CABIN1: variants seen among roughly 807,000 people sequenced by gnomAD.
CABIN1 encodes the protein calcineurin-binding protein cabin-1.
Under a neutral mutation model 227.7 loss-of-function variants are expected in CABIN1, and 133 were observed. The observed-to-expected ratio is 0.58, with a 90% CI of 0.51 to 0.67. The LOEUF is 0.67. Ranked by LOEUF, CABIN1 falls within the 30% of genes least tolerant of loss-of-function variation. The pLI, the probability that CABIN1 is intolerant of heterozygous loss-of-function variation, is 0.00. For missense variants in CABIN1, 2,408 were observed against 2,852.5 expected (o/e 0.84, Z 3.55); for synonymous variants, 1,086 against 1,155.1 (o/e 0.94, Z 1.21).
At chr22:24,103,996 A>C (rs1284716020) in intron 26 of CABIN1, among the ~76,000 whole-genome samples, 1 of 152,126 alleles carries the variant, frequency 6.6e-6, no homozygotes, top group African/African-American at 2.4e-5. Flanking sequence ...CTGCAGGCCC[A>C]TTTAGACATG....
intron 5 of CABIN1, 137 bp from the exon 6 acceptor site, chr22:24,042,767 C>A: frequency 1.3e-6 from 1 of 772,374 alleles, no homozygotes; most frequent in East Asian, 2.7e-5. Flanking sequence ...GTGGCTGTGC[C>A]AGTGCCGTGC....
intron 15 of CABIN1, among the ~76,000 whole-genome samples, chr22:24,065,358 A>G (rs1282430153): frequency 7.2e-6 from 1 of 138,556 alleles, no homozygotes; most frequent in Non-Finnish European, 1.5e-5. Flanking sequence ...CGCTCCTCAC[A>G]TCTCAGATAA....
chr22:24,068,738 G>A (rs2039873873), intron 16 of CABIN1, among the ~76,000 whole-genome samples: 2 of 152,158 alleles, frequency 1.3e-5, no homozygotes, highest in Admixed American at 1.3e-4. Flanking sequence ...TTAAATTGCA[G>A]AGAGGTTCTG....
intron 29 of CABIN1, among the ~76,000 whole-genome samples, chr22:24,160,707 G>A (rs569064981): frequency 6.6e-6 from 1 of 152,380 alleles, no homozygotes. Flanking sequence ...ATGGGCCTGG[G>A]CATGGCCTTG....
intron 29 of CABIN1, among the ~76,000 whole-genome samples, chr22:24,136,839 A>G (rs1055432132): frequency 6.6e-6 from 1 of 151,588 alleles, no homozygotes; most frequent in African/African-American, 2.4e-5. Context: ...CTTCTATGCA[A>G]ATTTCTTGTC....
Position 24,177,495 on chromosome 22 carries a change from G to A in CABIN1, c.6206-9G>A. The A allele has an allele frequency of 6.6e-7, 1 of 1,522,278 alleles. No homozygotes were observed. The highest frequency in any genetic ancestry group is 8.8e-7 in the Non-Finnish European group (1 of 1,135,490). 94.3% of individuals were successfully genotyped at this position (1,522,278 alleles called of 1,614,324 possible). A position where few individuals can be genotyped will look rare whatever the true frequency, so the allele number is the denominator to read the frequency against. On this transcript the variant is annotated splice_polypyrimidine_tract_variant and intron_variant, in intron 35 of 36. Coordinates refer to ENST00000263119, the MANE Select transcript of CABIN1 (RefSeq NM_012295.4). The surrounding 1 kb of genome is among the most constrained non-coding windows in gnomAD (Gnocchi z 4.4). Reference sequence around the variant, plus strand: ...GGCAGGAAGTGCTCTTGGTACCTTTGTCTTCCAGAGGGGAAACTGAGGCCT... The same window carrying A: ...GGCAGGAAGTGCTCTTGGTACCTTTATCTTCCAGAGGGGAAACTGAGGCCT...
rs1416781642 is a variant in CABIN1 at position 24,084,684 on chromosome 22, G to A, written c.3016G>A (p.Ala1006Thr). ...GACCAGCACCGTGTCTGCTGACTTG[G>A]CCAACCTACTGAAGAGAATTGCCAC... ...YKTSTVSADL[A>T]NLLKRIATIV... The change falls in exon 21 of 37, where the codon GCC (alanine) becomes ACC (threonine). Residue 1006 changes from alanine to threonine, a missense_variant. By Grantham distance (58) the Ala-to-Thr change is moderately conservative. Around this residue, in one of 3 missense-constraint regions of CABIN1, gnomAD observed 649 missense variants for 910.3 expected, o/e 0.71. Coordinates refer to ENST00000263119, the MANE Select transcript of CABIN1 (RefSeq NM_012295.4). 1 of 1,614,006 alleles carries A rather than the reference G, an allele frequency of 6.2e-7. No individual in the cohort carries two copies. The highest frequency in any genetic ancestry group is 1.7e-5 in the Admixed American group (1 of 59,990).
At chr22:24,147,178 A>C (rs758246050) in intron 29 of CABIN1, among the ~76,000 whole-genome samples, 22 of 151,864 alleles carry the variant, frequency 1.4e-4, no homozygotes, top group Non-Finnish European at 2.8e-4. Flanking sequence ...TTCATTTCCC[A>C]CCACAAGTTA....
At chr22:24,022,572 A>G (rs1248654107) in intron 1 of CABIN1, among the ~76,000 whole-genome samples, 2 of 152,188 alleles carry the variant, frequency 1.3e-5, no homozygotes, top group Non-Finnish European at 1.5e-5. Flanking sequence ...ACATTTTTAT[A>G]CAAGTTTTGT....
intron 28 of CABIN1, among the ~76,000 whole-genome samples, 177 bp downstream of exon 28, chr22:24,119,875 G>C (rs568864851): frequency 3.3e-5 from 5 of 152,366 alleles, no homozygotes; most frequent in African/African-American, 1.2e-4. Context: ...GCTTGCCAGG[G>C]AACCTGGTGG....
chr22:24,055,506 TC>T (rs1183111929), intron 9 of CABIN1, among the ~76,000 whole-genome samples: 4 of 152,202 alleles, frequency 2.6e-5, no homozygotes, highest in Non-Finnish European at 4.4e-5. Context: ...CTGGCAGAGG[TC>T]CCCTCTTCTG....
At chr22:24,087,139 T>C (rs1267115538) in intron 22 of CABIN1, among the ~76,000 whole-genome samples, 2 of 152,222 alleles carry the variant, frequency 1.3e-5, no homozygotes, top group Non-Finnish European at 2.9e-5. Context: ...GTCCAAGAGC[T>C]CATCCATTAG....
chr22:24,091,644 G>C lies in CABIN1; in HGVS notation c.3587G>C (p.Arg1196Pro). ...TAKHCFTSAA[R>P]CEGDGDEEEW... Reference sequence around the variant, plus strand: ...AAGCACTGTTTCACATCAGCAGCCCGCTGCGAGGGTGATGGTGACGAGGAG... The same window carrying C: ...AAGCACTGTTTCACATCAGCAGCCCCCTGCGAGGGTGATGGTGACGAGGAG... Residue 1196 changes from arginine (R) to proline (P), a missense_variant, in exon 24 of 37, where the codon CGC becomes CCC. Coordinates refer to ENST00000263119, the MANE Select transcript of CABIN1 (RefSeq NM_012295.4). 6.2e-7 allele frequency: 1 copy of C among 1,614,242 alleles called. No homozygotes were observed. Among genetic ancestry groups the C allele is most frequent in the Non-Finnish European group, 8.5e-7 (1 of 1,180,040 alleles).
At chr22:24,041,375 TG>T in intron 5 of CABIN1, 102 bp downstream of exon 5, 1 of 1,444,534 alleles carries the variant, frequency 6.9e-7, no homozygotes, top group Non-Finnish European at 9.7e-7. Context: ...TTTGTAGTGG[TG>T]GATCACCAAG....
At chr22:24,164,319 T>C (rs1569305759) in intron 29 of CABIN1, 81 bp from the exon 30 acceptor site, 1 of 1,566,360 alleles carries the variant, frequency 6.4e-7, no homozygotes, top group Non-Finnish European at 8.7e-7. Flanking sequence ...TGTGGCAGTT[T>C]CCAGGGGATA....
intron 5 of CABIN1, among the ~76,000 whole-genome samples, chr22:24,041,742 G>T (rs2037393179): frequency 6.6e-6 from 1 of 152,140 alleles, no homozygotes; most frequent in African/African-American, 2.4e-5. Flanking sequence ...CTGTCTCTGG[G>T]CACCTCTAAA....
At chr22:24,053,198 C>T (rs1284103616) in intron 8 of CABIN1, among the ~76,000 whole-genome samples, 2 of 151,126 alleles carry the variant, frequency 1.3e-5, no homozygotes, top group Non-Finnish European at 2.9e-5. Context: ...CTGCCTCAGA[C>T]TCCCAAGTAG....
intron 1 of CABIN1, among the ~76,000 whole-genome samples, chr22:24,030,249 G>A (rs890432661): frequency 6.6e-6 from 1 of 152,196 alleles, no homozygotes; most frequent in African/African-American, 2.4e-5. Flanking sequence ...TGCATGTCCA[G>A]GGGCAGGCAG....
chr22:24,113,651 A>C lies in CABIN1; in HGVS notation c.4203A>C (p.Glu1401Asp). 6.2e-7 allele frequency: 1 copy of C among 1,614,092 alleles called. No homozygotes were observed. Among genetic ancestry groups the C allele is most frequent in the Non-Finnish European group, 8.5e-7 (1 of 1,179,962 alleles). Reference sequence around the variant, plus strand: ...TTAATGAGCCCACCAGCTTACTGGAAGGCTCCAGGAAATCCTACACAGAGA... The same window carrying C: ...TTAATGAGCCCACCAGCTTACTGGACGGCTCCAGGAAATCCTACACAGAGA... ...DFFNEPTSLL[E>D]GSRKSYTEKR... The change falls in exon 27 of 37, where the codon GAA becomes GAC. Residue 1401 changes from glutamate to aspartate, a missense_variant. Glu to Asp is a conservative substitution (Grantham distance 45). Around this residue, in one of 3 missense-constraint regions of CABIN1, gnomAD observed 649 missense variants for 910.3 expected, o/e 0.71. Transcript: ENST00000263119.
Sources: gnomAD v4.1 joint callset for allele counts (sites outside exome capture counted in the v4.1 genomes callset) on GRCh38, gnomAD v4.1.1 for gene constraint, gnomAD v4.1.1 regional missense constraint, Gnocchi (gnomAD v3.1) non-coding constraint, MANE v1.5 for transcripts, NCBI Gene and HGNC (gene_info 2026-07-23, HGNC 2026-07-21) for gene names.